Variants in AACS observed in about 807,000 individuals in gnomAD.
The protein encoded by AACS is acetoacetate-CoA ligase.
A neutral mutation model predicts 83.1 loss-of-function variants in AACS; 69 were observed. The observed-to-expected ratio is 0.83, with a 90% CI of 0.68 to 1.01. The LOEUF is 1.01. Among genes scored for constraint, AACS ranks in the 50% least tolerant of loss-of-function variants. AACS has a pLI of 0.00. For synonymous variants in AACS, 333 were observed against 343.4 expected, an observed-to-expected ratio of 0.97 and a Z score of 0.33; for missense variants, 866 against 882.2, an observed-to-expected ratio of 0.98 and a Z score of 0.23.
chr12:125,081,760 A>G (rs1458663996), intron 3 of AACS, among the ~76,000 whole-genome samples: 1 of 152,048 alleles, frequency 6.6e-6, no homozygotes, highest in Non-Finnish European at 1.5e-5. Flanking sequence ...TTTTCACATG[A>G]TGGAAAGTTT....
intron 17 of AACS, 97 bp from the exon 18 acceptor site, chr12:125,141,995 G>C (rs1383716562): frequency 5.0e-5 from 75 of 1,504,878 alleles, no homozygotes; most frequent in Admixed American, 7.3e-5. Context: ...TGGCACTCCA[G>C]GTGGAGCTGG....
chr12:125,142,129 A>G lies in AACS; in HGVS notation c.1919A>G (p.Lys640Arg). The G allele has an allele frequency of 6.2e-7, 1 of 1,614,156 alleles. No individual in the cohort carries two copies. Among genetic ancestry groups the G allele is most frequent in the Non-Finnish European group, 8.5e-7 (1 of 1,180,028 alleles). ...GGCAAGAAAGTGGAAGTTGCCGTCA[A>G]ACAGATCATCGCTGGAAAAGCCGTG... Reference protein sequence around the residue: ...LNGKKVEVAVKQIIAGKAVEQ... With the variant: ...LNGKKVEVAVRQIIAGKAVEQ... Residue 640 changes from lysine to arginine, a missense_variant, in exon 18 of 18, where the codon AAA becomes AGA. Transcript: ENST00000316519.
Position 125,103,727 on chromosome 12 carries a change from G to A in AACS, c.767+646G>A, listed in dbSNP as rs542688784. 5.3e-5 allele frequency among the ~76,000 whole-genome samples: 8 copies of A among 152,046 alleles called. No individual in the cohort carries two copies. In the South Asian group the frequency reaches 1.0e-3, roughly 20 times the overall value. ...TTTTTGGCCAGGCATGGTGGCTCAC[G>A]CCTGTAATCCCAGCACTTTGGGAGG... On this transcript the variant is annotated intron_variant, in intron 7 of 17. Transcript: ENST00000316519.
Position 125,082,165 on chromosome 12 carries a change from A to G in AACS, c.359-4165A>G, listed in dbSNP as rs569143269. Among the ~76,000 whole-genome samples, 171 of 101,826 alleles carry G rather than the reference A, an allele frequency of 1.7e-3. 2 individuals carry two copies. Among genetic ancestry groups the G allele is most frequent in the African/African-American group, 6.0e-3 (161 of 26,664 alleles). 66.8% of individuals were successfully genotyped at this position (101,826 alleles called of 152,430 possible). On this transcript the variant is annotated intron_variant, in intron 3 of 17. Transcript: ENST00000316519. Reference sequence around the variant, plus strand: ...ATTACAGGCATGAGCCACTGCGCCCAGCCTGATTTTTTTTTTTTTTTTTGG... The same window carrying G: ...ATTACAGGCATGAGCCACTGCGCCCGGCCTGATTTTTTTTTTTTTTTTTGG...
intron 5 of AACS, among the ~76,000 whole-genome samples, chr12:125,095,577 GCC>G (rs1290194207): frequency 6.6e-6 from 1 of 152,080 alleles, no homozygotes; most frequent in Non-Finnish European, 1.5e-5. Flanking sequence ...CTTCCTCTGG[GCC>G]CCACTCCACC....
intron 3 of AACS, among the ~76,000 whole-genome samples, chr12:125,078,753 G>A (rs1956090464): frequency 1.3e-5 from 2 of 150,494 alleles, no homozygotes; most frequent in Admixed American, 6.6e-5. Context: ...CCCGGGAGGT[G>A]GAGGTTGCAG....
chr12:125,133,147 G>C (rs1187732427), intron 14 of AACS, among the ~76,000 whole-genome samples: 1 of 152,228 alleles, frequency 6.6e-6, no homozygotes, highest in African/African-American at 2.4e-5. Context: ...GTTCCCCTCA[G>C]TGTGGCTGAT....
chr12:125,081,783 A>T (rs1440368249), intron 3 of AACS, among the ~76,000 whole-genome samples: 1 of 151,992 alleles, frequency 6.6e-6, no homozygotes, highest in Non-Finnish European at 1.5e-5. Flanking sequence ...TGGGCTGGGA[A>T]TGTGGGAGAG....
rs769248648 is a variant in AACS at position 125,091,507 on chromosome 12, C to T, written c.554C>T (p.Pro185Leu). 32 of 1,614,092 alleles carry T rather than the reference C, an allele frequency of 2.0e-5. No homozygotes were observed. The highest frequency in any genetic ancestry group is 4.4e-5 in the South Asian group (4 of 91,084). Reference sequence around the variant, plus strand: ...GGTGCCATCTGGAGCTCCACGTCCCCGGACTTCGGTGTGAATGTGAGTCAG... The same window carrying T: ...GGTGCCATCTGGAGCTCCACGTCCCTGGACTTCGGTGTGAATGTGAGTCAG... ...SIGAIWSSTS[P>L]DFGVNGVLDR... Residue 185 changes from proline to leucine, a missense_variant, in exon 5 of 18, where the codon CCG (proline) becomes CTG (leucine). Coordinates refer to ENST00000316519, the MANE Select transcript of AACS (RefSeq NM_023928.5).
Position 125,078,435 on chromosome 12 carries a change from G to A in AACS, c.358+1824G>A, listed in dbSNP as rs971918861. On this transcript the variant is annotated intron_variant, in intron 3 of 17. Transcript: ENST00000316519. The stretch of plus-strand genomic sequence containing the variant: ...GACATGGTCATGGCAGAGTAGATAG[G>A]TGGTCTGGGGTCAGGGCTCTGACTG... 7.0e-5 allele frequency: 29 copies of A among 415,112 alleles called. 1 individual carries two copies. Among genetic ancestry groups the A allele is most frequent in the South Asian group, 5.0e-4 (29 of 58,076 alleles). 25.7% of individuals were successfully genotyped at this position (415,112 alleles called of 1,614,324 possible).
At chr12:125,081,354 T>A (rs1198894506) in intron 3 of AACS, among the ~76,000 whole-genome samples, 2 of 152,226 alleles carry the variant, frequency 1.3e-5, no homozygotes, top group Non-Finnish European at 2.9e-5. Context: ...ATAAGGACCC[T>A]TATGCCAGTG....
intron 1 of AACS, among the ~76,000 whole-genome samples, chr12:125,068,183 G>A (rs956103960): frequency 2.0e-5 from 3 of 152,210 alleles, no homozygotes; most frequent in Non-Finnish European, 2.9e-5. Flanking sequence ...GGGGCTGGGC[G>A]TGGTGGCTCA....
chr12:125,105,902 T>C (rs1956823794), intron 7 of AACS: 1 of 152,156 alleles, frequency 6.6e-6, no homozygotes, highest in South Asian at 2.1e-4. Flanking sequence ...TTATAGGAGG[T>C]AGAGGTGGGA....
chr12:125,084,109 C>T (rs1256035342), intron 3 of AACS, among the ~76,000 whole-genome samples: 1 of 151,946 alleles, frequency 6.6e-6, no homozygotes, highest in African/African-American at 2.4e-5. Context: ...CACTGGATCA[C>T]CTGAGGTCAG....
chr12:125,107,300 C>T (rs1279191355), intron 8 of AACS, 32 bp downstream of exon 8: 5 of 1,605,020 alleles, frequency 3.1e-6, no homozygotes, highest in East Asian at 2.2e-5. Flanking sequence ...TGCAGGGCCT[C>T]CTGTTGTCTG....
intron 5 of AACS, among the ~76,000 whole-genome samples, chr12:125,098,769 T>C: frequency 6.6e-6 from 1 of 152,264 alleles, no homozygotes; most frequent in East Asian, 1.9e-4. Context: ...CTTTTCAAAC[T>C]GTATTGCTGG....
chr12:125,070,322 A>G (rs1356640515), intron 1 of AACS, among the ~76,000 whole-genome samples: 1 of 152,188 alleles, frequency 6.6e-6, no homozygotes, highest in Non-Finnish European at 1.5e-5. Context: ...GGTCCAGCAC[A>G]ACAGCAGTGC....
At chr12:125,102,346 G>A (rs1565938847) in intron 5 of AACS, 3 of 268,426 alleles carry the variant, frequency 1.1e-5, no homozygotes, top group South Asian at 4.3e-5. Context: ...CAGCGCGCCC[G>A]GCCTCATCGA....
In AACS at chr12:125,076,548, C is replaced by T. The variant is rs759611953; in HGVS notation, c.295C>T (p.Leu99Phe). 4.3e-6 allele frequency: 7 copies of T among 1,614,128 alleles called. No homozygotes were observed. The highest frequency in any genetic ancestry group is 5.9e-6 in the Non-Finnish European group (7 of 1,180,030). ...CCCCGAGTGGTTCAAAGGCAGTCGG[C>T]TCAACTATGCAGAAAACCTCCTGCG... is the stretch of plus-strand genomic sequence containing the variant. ...DVPEWFKGSR[L>F]NYAENLLRHK... is the part of the protein sequence containing the mutation. Residue 99 changes from leucine (L) to phenylalanine (F), a missense_variant, in exon 3 of 18, where the codon CTC becomes TTC. Physicochemically the swap from Leu to Phe is conservative, Grantham distance 22. Coordinates refer to ENST00000316519, the MANE Select transcript of AACS (RefSeq NM_023928.5).
Sources: gnomAD v4.1 joint callset for allele counts (sites outside exome capture counted in the v4.1 genomes callset) on GRCh38, gnomAD v4.1.1 for gene constraint, MANE v1.5 for transcripts, NCBI Gene and HGNC (gene_info 2026-07-23, HGNC 2026-07-21) for gene names.